Variants in ZNF385D observed in about 807,000 individuals in gnomAD.
The protein encoded by ZNF385D is zinc finger protein 385D.
Under a neutral mutation model 35.8 loss-of-function variants are expected in ZNF385D, and 15 were observed. The ratio of observed to expected loss-of-function variants is 0.42; its 90% CI spans 0.28 to 0.64. ZNF385D has a LOEUF of 0.64. ZNF385D is among the 30% of genes least tolerant of loss of function. The pLI is 0.23. For synonymous variants in ZNF385D, 212 were observed against 186.8 expected (o/e 1.13, Z -1.10); for missense variants, 474 against 494.6 (o/e 0.96, Z 0.39).
intron 1 of ZNF385D, among the ~76,000 whole-genome samples, chr3:21,697,772 T>C (rs1207794575): frequency 2.6e-5 from 4 of 151,588 alleles, no homozygotes; most frequent in African/African-American, 7.3e-5. Context: ...AAAAAATGAA[T>C]AGAAAGTGAA....
In ZNF385D at chr3:22,325,130, T is replaced by C. The variant is rs117704914; in HGVS notation, c.106+47320A>G. Among the ~76,000 whole-genome samples the C allele has an allele frequency of 6.4e-3, 971 of 152,324 alleles. 30 individuals are homozygous for C. In the East Asian group the frequency reaches 0.093, roughly 15 times the overall value. ...TAATTATGTATATTACCACAATAAA[T>C]ACTACTACAATATTACTACAATAAA... On this transcript the variant is annotated intron_variant, in intron 2 of 5. Coordinates refer to the ZNF385D transcript ENST00000494108.
rs140348533 is a variant in ZNF385D, at chr3:22,128,619, T to G, written c.325+40198A>C. Among the ~76,000 whole-genome samples the G allele has an allele frequency of 8.6e-4, 131 of 152,314 alleles. 1 individual carries two copies. Among genetic ancestry groups the G allele is most frequent in the African/African-American group, 3.0e-3 (125 of 41,580 alleles). On this transcript the variant is annotated intron_variant, in intron 3 of 5. Coordinates refer to the ZNF385D transcript ENST00000494108. ...TCAAATAGTCTATCTTCAAACTCAC[T>G]CATTCTTTCTTCTGTTTGATAAATT...
chr3:22,076,635 G>C (rs75532649), intron 3 of ZNF385D, among the ~76,000 whole-genome samples: 5 of 151,834 alleles, frequency 3.3e-5, no homozygotes, highest in Non-Finnish European at 1.5e-5. Context: ...ACACGTCTGT[G>C]GTTCATAGTT....
chr3:22,290,004 C>T (rs937107), intron 2 of ZNF385D, among the ~76,000 whole-genome samples: 6,188 of 152,064 alleles, frequency 0.041, 287 homozygotes, highest in African/African-American at 0.11. Context: ...GAGTTTTAGC[C>T]CCTTTTCTGC....
chr3:21,561,300 T>G (rs2062937370), intron 3 of ZNF385D, among the ~76,000 whole-genome samples: 1 of 152,194 alleles, frequency 6.6e-6, no homozygotes, highest in Non-Finnish European at 1.5e-5. Context: ...AATATCCTGG[T>G]CTGCGGGTTG....
intron 3 of ZNF385D, among the ~76,000 whole-genome samples, chr3:21,788,524 T>C (rs1221609744): frequency 6.6e-6 from 1 of 152,208 alleles, no homozygotes; most frequent in East Asian, 1.9e-4. Flanking sequence ...AATCAGAAAT[T>C]TTGTTCTCAT....
intron 4 of ZNF385D, among the ~76,000 whole-genome samples, chr3:21,503,015 G>T (rs1458957867): frequency 2.0e-5 from 3 of 152,170 alleles, no homozygotes; most frequent in African/African-American, 7.2e-5. Context: ...TTTCCACATT[G>T]ATAAGAGGGG....
At position 22,224,098 on chromosome 3, in the gene ZNF385D, C is replaced by T. The variant is rs1268652802; in HGVS notation, c.107-55063G>A. On this transcript the variant is annotated intron_variant, in intron 2 of 5. Coordinates refer to the ZNF385D transcript ENST00000494108. Reference sequence around the variant, plus strand: ...ACTTGCCTAAATATTTTGAGGCAGTCAAAGATAAACTGGTCATGAATTTGA... The same window carrying T: ...ACTTGCCTAAATATTTTGAGGCAGTTAAAGATAAACTGGTCATGAATTTGA... 6.6e-5 allele frequency among the ~76,000 whole-genome samples: 10 copies of T among 151,826 alleles called. No homozygotes were observed. The East Asian group carries it at 1.9e-3, about 29-fold the overall frequency.
intron 3 of ZNF385D, among the ~76,000 whole-genome samples, chr3:21,898,299 G>A (rs1347997819): frequency 6.6e-6 from 1 of 152,096 alleles, no homozygotes; most frequent in Non-Finnish European, 1.5e-5. Context: ...CTGAGATCAA[G>A]CCTAATGGCT....
intron 2 of ZNF385D, among the ~76,000 whole-genome samples, chr3:22,331,024 A>G (rs1047060620): frequency 3.3e-5 from 5 of 152,214 alleles, no homozygotes; most frequent in Non-Finnish European, 7.3e-5. Flanking sequence ...ATGTGTGTAC[A>G]TATATATGCA....
intron 3 of ZNF385D, among the ~76,000 whole-genome samples, chr3:21,937,011 C>G (rs1157874766): frequency 6.6e-6 from 1 of 151,952 alleles, no homozygotes; most frequent in Non-Finnish European, 1.5e-5. Context: ...TGTAATGTAA[C>G]ATTGTAATAA....
At chr3:21,877,047 A>G (rs1402678663) in intron 3 of ZNF385D, among the ~76,000 whole-genome samples, 1 of 152,048 alleles carries the variant, frequency 6.6e-6, no homozygotes, top group African/African-American at 2.4e-5. Context: ...GTAAAACACC[A>G]TTACTGTGAA....
intron 2 of ZNF385D, among the ~76,000 whole-genome samples, chr3:22,299,259 A>T (rs999912254): frequency 2.0e-5 from 3 of 151,896 alleles, no homozygotes; most frequent in African/African-American, 7.2e-5. Flanking sequence ...AGCTATTGTA[A>T]TATAGGTATA....
chr3:22,336,074 T>G lies in ZNF385D; in HGVS notation c.106+36376A>C, dbSNP rs1190310202. ...GATTAAATATACTAAACTACTGATC[T>G]AGATTAAGTAATCTGAAAGATTGGG... On this transcript the variant is annotated intron_variant, in intron 2 of 5. Transcript: ENST00000494108. Among the ~76,000 whole-genome samples the G allele has an allele frequency of 7.2e-5, 7 of 97,254 alleles. No homozygotes were observed. The South Asian group carries it at 8.7e-4, about 12-fold the overall frequency. The allele number at this position is 97,254 out of a possible 152,430, so 63.8% of individuals were successfully genotyped here. A position where few individuals can be genotyped will look rare whatever the true frequency, so the allele number is the denominator to read the frequency against.
At chr3:22,157,909 C>T (rs1471291214) in intron 3 of ZNF385D, among the ~76,000 whole-genome samples, 3 of 152,084 alleles carry the variant, frequency 2.0e-5, no homozygotes, top group Non-Finnish European at 4.4e-5. Context: ...CACAAAGTGC[C>T]AACCTTAACT....
intron 3 of ZNF385D, among the ~76,000 whole-genome samples, chr3:21,964,579 TC>T (rs1050638863): frequency 2.5e-4 from 36 of 141,914 alleles, no homozygotes; most frequent in Non-Finnish European, 3.0e-4. Flanking sequence ...AACCTCTGCC[TC>T]CCAGGTTCAA....
At chr3:21,792,633 C>G (rs1013495729) in intron 3 of ZNF385D, among the ~76,000 whole-genome samples, 4 of 152,072 alleles carry the variant, frequency 2.6e-5, no homozygotes, top group African/African-American at 9.7e-5. Flanking sequence ...GAACCCGAAG[C>G]AGATGTCCAG....
chr3:22,031,104 A>G (rs1315561559), intron 3 of ZNF385D, among the ~76,000 whole-genome samples: 1 of 152,132 alleles, frequency 6.6e-6, no homozygotes, highest in African/African-American at 2.4e-5. Flanking sequence ...GTGGCTTTGC[A>G]GGATTCAGCC....
At chr3:22,156,992 C>G (rs530273407) in intron 3 of ZNF385D, among the ~76,000 whole-genome samples, 1 of 152,252 alleles carries the variant, frequency 6.6e-6, no homozygotes, top group African/African-American at 2.4e-5. Context: ...TGAAAAAACT[C>G]TTCAGCACAA....
Sources: gnomAD v4.1 joint callset for allele counts (sites outside exome capture counted in the v4.1 genomes callset) on GRCh38, gnomAD v4.1.1 for gene constraint, MANE v1.5 for transcripts, NCBI Gene and HGNC (gene_info 2026-07-23, HGNC 2026-07-21) for gene names.